PEBP4: variants seen among roughly 807,000 people sequenced by gnomAD.
The protein encoded by PEBP4 is phosphatidylethanolamine-binding protein 4.
In PEBP4, 22 loss-of-function variants were observed where a neutral mutation model predicts 23.9. The observed-to-expected ratio is 0.92, with a 90% confidence interval of 0.66 to 1.31. The LOEUF is 1.31. Ranked by LOEUF, PEBP4 falls within the 40% of genes most tolerant of loss-of-function variation. The pLI is 0.00. For missense variants in PEBP4, 324 were observed against 281.7 expected, an observed-to-expected ratio of 1.15 and a Z score of -1.07; for synonymous variants, 112 against 99.3, an observed-to-expected ratio of 1.13 and a Z score of -0.76.
At chr8:22,864,665 A>G (rs1351332537) in intron 3 of PEBP4, among the ~76,000 whole-genome samples, 2 of 152,220 alleles carry the variant, frequency 1.3e-5, no homozygotes, top group African/African-American at 4.8e-5. Context: ...AGCGCTGCAG[A>G]TGGAAGCTGC....
At chr8:22,912,899 C>A (rs10100707) in intron 3 of PEBP4, among the ~76,000 whole-genome samples, 3 of 152,156 alleles carry the variant, frequency 2.0e-5, no homozygotes, top group Non-Finnish European at 4.4e-5. Context: ...GGGTGCTGCG[C>A]GCCCTCCTCA....
In PEBP4 at chr8:22,786,965, T is replaced by A. The variant is rs571524953; in HGVS notation, c.357+30672A>T. Among the ~76,000 whole-genome samples, 13 of 152,036 alleles carry A rather than the reference T, an allele frequency of 8.6e-5. No homozygotes were observed. The East Asian group carries it at 2.5e-3, about 30-fold the overall frequency. On this transcript the variant is annotated intron_variant, in intron 4 of 6. Coordinates refer to ENST00000256404, the MANE Select transcript of PEBP4 (RefSeq NM_144962.3). ...CCTCCTGAGTAGGTGGGACCACAGG[T>A]GTGTATCACCATTCCTGGCTTATTA...
intron 3 of PEBP4, among the ~76,000 whole-genome samples, chr8:22,870,764 T>C (rs1807991357): frequency 6.6e-6 from 1 of 152,114 alleles, no homozygotes; most frequent in Admixed American, 6.5e-5. Context: ...CTCTAAAAAG[T>C]AAAGTCTATT....
At chr8:22,763,393 A>G (rs1805549798) in intron 4 of PEBP4, among the ~76,000 whole-genome samples, 1 of 152,192 alleles carries the variant, frequency 6.6e-6, no homozygotes, top group Admixed American at 6.5e-5. Flanking sequence ...GGCTCTGGAC[A>G]CTGCCTCCAA....
At chr8:22,899,459 G>C (rs1214399317) in intron 3 of PEBP4, among the ~76,000 whole-genome samples, 2 of 152,230 alleles carry the variant, frequency 1.3e-5, no homozygotes, top group East Asian at 3.9e-4. Context: ...CACATGAAAA[G>C]GAACCTGCTT....
At chr8:22,765,116 T>TCTTTCTTCCTTCCTTCCTTCCTTC (rs1554483037) in intron 4 of PEBP4, among the ~76,000 whole-genome samples, 3 of 145,008 alleles carry the variant, frequency 2.1e-5, no homozygotes, top group East Asian at 4.2e-4. Flanking sequence ...TTCCTTTATT[T>TCTTTCTTCCTTCCTTCCTTCCTTC]CTTCCTTCCT....
intron 4 of PEBP4, among the ~76,000 whole-genome samples, chr8:22,789,027 A>C (rs150784067): frequency 2.0e-5 from 3 of 152,374 alleles, no homozygotes; most frequent in Non-Finnish European, 4.4e-5. Flanking sequence ...TTGCTAAGTA[A>C]GAAAGCAGGC....
At chr8:22,907,649 G>A (rs1227878979) in intron 3 of PEBP4, among the ~76,000 whole-genome samples, 1 of 152,192 alleles carries the variant, frequency 6.6e-6, no homozygotes, top group East Asian at 1.9e-4. Context: ...GGTCTGGGAA[G>A]CCACTGTCAG....
intron 4 of PEBP4, among the ~76,000 whole-genome samples, chr8:22,792,775 C>T (rs1290684031): frequency 6.6e-6 from 1 of 151,878 alleles, no homozygotes; most frequent in South Asian, 2.1e-4. Context: ...TCTGTAATTG[C>T]AAGCAGAGAG....
At chr8:22,926,594 C>T (rs1375065261) in intron 2 of PEBP4, among the ~76,000 whole-genome samples, 1 of 152,136 alleles carries the variant, frequency 6.6e-6, no homozygotes, top group Non-Finnish European at 1.5e-5. Context: ...TGATCCTCCA[C>T]CTTGGCCTCC....
chr8:22,744,138 T>C (rs1805059455), intron 4 of PEBP4, among the ~76,000 whole-genome samples: 1 of 152,224 alleles, frequency 6.6e-6, no homozygotes, highest in Non-Finnish European at 1.5e-5. Flanking sequence ...ATTGTAGACA[T>C]TGGTCAGGGG....
At chr8:22,791,590 T>C (rs768513945) in intron 4 of PEBP4, among the ~76,000 whole-genome samples, 21 of 152,136 alleles carry the variant, frequency 1.4e-4, no homozygotes, top group Non-Finnish European at 2.8e-4. Context: ...GCATGCACAT[T>C]CATTTTAGGG....
intron 4 of PEBP4, among the ~76,000 whole-genome samples, chr8:22,785,071 C>T (rs924987771): frequency 2.6e-5 from 4 of 152,182 alleles, no homozygotes; most frequent in Non-Finnish European, 1.5e-5. Context: ...CACTTTGCCG[C>T]CCACTCTGTC....
chr8:22,722,741 C>T lies in PEBP4; in HGVS notation c.517+2102G>A, dbSNP rs566129142. 1.3e-3 allele frequency among the ~76,000 whole-genome samples: 194 copies of T among 151,550 alleles called. 1 individual carries two copies. The highest frequency in any genetic ancestry group is 4.5e-3 in the African/African-American group (185 of 41,184). On this transcript the variant is annotated intron_variant, in intron 6 of 6. Transcript: ENST00000256404. ...AGGCATCACATGGCAAGACTGGGACCTTGGCTGGGGCTTTCATCTGGGAGG... is the reference window on the plus strand; with the variant it reads ...AGGCATCACATGGCAAGACTGGGACTTTGGCTGGGGCTTTCATCTGGGAGG...
intron 4 of PEBP4, among the ~76,000 whole-genome samples, chr8:22,733,545 T>C (rs1804783396): frequency 6.6e-6 from 1 of 152,016 alleles, no homozygotes; most frequent in Non-Finnish European, 1.5e-5. Context: ...TCCCCTTCAA[T>C]TACCTGTAGG....
At chr8:22,835,170 G>A (rs1807175618) in intron 3 of PEBP4, among the ~76,000 whole-genome samples, 1 of 152,114 alleles carries the variant, frequency 6.6e-6, no homozygotes, top group South Asian at 2.1e-4. Context: ...CTGTCACTAA[G>A]GTATAGTTTA....
chr8:22,925,982 TGTTTGTTTTTTG>T (rs1484537059), intron 2 of PEBP4, among the ~76,000 whole-genome samples: 1 of 152,168 alleles, frequency 6.6e-6, no homozygotes, highest in African/African-American at 2.4e-5. Flanking sequence ...TTTGTTTTTT[TGTTTGTTTTTTG>T]AGACAGAGTC....
At chr8:22,920,089 C>A in intron 3 of PEBP4, 95 bp downstream of exon 3, 1 of 1,503,516 alleles carries the variant, frequency 6.7e-7, no homozygotes, top group Non-Finnish European at 9.1e-7. Flanking sequence ...CCAGATGGCT[C>A]TGCACGCAGC....
At chr8:22,755,174 A>AGATCTG (rs1395316035) in intron 4 of PEBP4, among the ~76,000 whole-genome samples, 4 of 152,124 alleles carry the variant, frequency 2.6e-5, no homozygotes, top group Non-Finnish European at 4.4e-5. Context: ...TGGAGTCCAA[A>AGATCTG]GATCTGCTTG....
Sources: gnomAD v4.1 joint callset for allele counts (sites outside exome capture counted in the v4.1 genomes callset) on GRCh38, gnomAD v4.1.1 for gene constraint, MANE v1.5 for transcripts, NCBI Gene and HGNC (gene_info 2026-07-23, HGNC 2026-07-21) for gene names.